DIRAS1: variants seen among roughly 807,000 people sequenced by gnomAD.
DIRAS1 encodes GTP-binding protein Di-Ras1.
A neutral mutation model predicts 11.5 loss-of-function variants in DIRAS1; 3 were observed. The observed-to-expected ratio is 0.26, with a 90% confidence interval of 0.12 to 0.67. The LOEUF (loss-of-function observed/expected upper bound fraction) is 0.67. Ranked by LOEUF, DIRAS1 falls within the 30% of genes least tolerant of loss-of-function variation. DIRAS1 has a pLI of 0.80. For synonymous variants in DIRAS1, 128 were observed against 125.8 expected (o/e 1.02, Z -0.12); for missense variants, 212 against 285.3 (o/e 0.74, Z 1.85).
At chr19:2,720,329 T>G (rs1279598081) in intron 1 of DIRAS1, among the ~76,000 whole-genome samples, 1 of 152,196 alleles carries the variant, frequency 6.6e-6, no homozygotes, top group African/African-American at 2.4e-5. Flanking sequence ...TGAGCAGTAC[T>G]GTCCTCCCCG....
In DIRAS1 at chr19:2,714,779, C is replaced by T. The variant is rs915965285; in HGVS notation, c.*2431G>A. 6.5e-6 allele frequency: 1 copy of T among 152,748 alleles called. No homozygotes were observed. The highest frequency in any genetic ancestry group is 1.5e-5 in the Non-Finnish European group (1 of 68,312). The allele number at this position is 152,748 out of a possible 1,614,324, so 9.5% of individuals were successfully genotyped here. A position where few individuals can be genotyped will look rare whatever the true frequency, so the allele number is the denominator to read the frequency against. ...CAGCCAGGACAGGCTCGGGTCCCCT[C>T]CTATTGCAGATGCCCTCTCTCCCCA... On this transcript the variant is annotated 3_prime_UTR_variant, in exon 2 of 2. Transcript: ENST00000323469.
Position 2,716,852 on chromosome 19 carries a change from A to C in DIRAS1, c.*358T>G. The C allele has an allele frequency of 3.8e-6, 1 of 261,606 alleles. No individual in the cohort carries two copies. The highest frequency in any genetic ancestry group is 7.3e-6 in the Non-Finnish European group (1 of 137,456). The allele number at this position is 261,606 out of a possible 1,614,324, so 16.2% of individuals were successfully genotyped here. ...AGGTCTGGCTGGGGACACCCCAGGG[A>C]AAGAGATGGAAACGGGGAAACGCAG... On this transcript the variant is annotated 3_prime_UTR_variant, in exon 2 of 2. Coordinates refer to ENST00000323469, the MANE Select transcript of DIRAS1 (RefSeq NM_145173.4).
rs1014570181 is a variant in DIRAS1 at position 2,718,510 on chromosome 19, T to A, written c.-69-635A>T. On this transcript the variant is annotated intron_variant, in intron 1 of 1. Transcript: ENST00000323469. This position sits in a 1 kb window ranked among gnomAD's most constrained non-coding sequence, Gnocchi z 4.2. ...GGCAACGGCCCTGGGAACTCGTATT[T>A]TATTTTATTCTTCTTATTTATTTAT... is the stretch of plus-strand genomic sequence containing the variant. 1.4e-4 allele frequency among the ~76,000 whole-genome samples: 21 copies of A among 152,292 alleles called. No individual in the cohort carries two copies. The highest frequency in any genetic ancestry group is 4.8e-4 in the African/African-American group (20 of 41,560).
intron 1 of DIRAS1, among the ~76,000 whole-genome samples, chr19:2,720,624 C>T (rs1359369786): frequency 6.6e-6 from 1 of 152,210 alleles, no homozygotes; most frequent in Non-Finnish European, 1.5e-5. Flanking sequence ...GCCCTGGGTC[C>T]CTGAAGCCCG....
chr19:2,717,117 G>A lies in DIRAS1; in HGVS notation c.*93C>T. Reference sequence around the variant, plus strand: ...CCAGCCGAGGTGTCGGAGGAAGGATGAGAGAAGAGGAGGAGGCCGAGGAGG... The same window carrying A: ...CCAGCCGAGGTGTCGGAGGAAGGATAAGAGAAGAGGAGGAGGCCGAGGAGG... On this transcript the variant is annotated 3_prime_UTR_variant, in exon 2 of 2. Coordinates refer to ENST00000323469, the MANE Select transcript of DIRAS1 (RefSeq NM_145173.4). 1 of 1,330,364 alleles carries A rather than the reference G, an allele frequency of 7.5e-7. No homozygotes were observed. Among genetic ancestry groups the A allele is most frequent in the South Asian group, 1.4e-5 (1 of 72,834 alleles). 82.4% of individuals were successfully genotyped at this position (1,330,364 alleles called of 1,614,324 possible). A position where few individuals can be genotyped will look rare whatever the true frequency, so the allele number is the denominator to read the frequency against.
rs113069103 is a variant in DIRAS1, at chr19:2,717,206, G to A, written c.*4C>T. On this transcript the variant is annotated 3_prime_UTR_variant, in exon 2 of 2. Coordinates refer to ENST00000323469, the MANE Select transcript of DIRAS1 (RefSeq NM_145173.4). ...TGGGCGGCGGGCAGGCGGGCGTTCC[G>A]GGCTCACATGAGGGTGCATTTGCCC... is the stretch of plus-strand genomic sequence containing the variant. 2,387 of 1,575,720 alleles carry A rather than the reference G, an allele frequency of 1.5e-3. 21 individuals are homozygous for A. In the African/African-American group the frequency reaches 0.024, roughly 16 times the overall value.
chr19:2,720,121 G>A (rs1345958092), intron 1 of DIRAS1, among the ~76,000 whole-genome samples: 1 of 152,154 alleles, frequency 6.6e-6, no homozygotes, highest in African/African-American at 2.4e-5. Flanking sequence ...ATTCGGAGGA[G>A]GCTGGGGGTG....
chr19:2,715,138 AGTAAACAC>A lies in DIRAS1; in HGVS notation c.*2064_*2071del, dbSNP rs1469354698. ...GAGTGTGTCCAATAAACATTTGTTGAGTAAACACTCACACGAACACAGAGGAAAACAAA... is the reference window on the plus strand; with the variant it reads ...GAGTGTGTCCAATAAACATTTGTTGATCACACGAACACAGAGGAAAACAAA... On this transcript the variant is annotated 3_prime_UTR_variant, in exon 2 of 2. Transcript: ENST00000323469. 2.6e-5 allele frequency: 4 copies of A among 152,264 alleles called. No homozygotes were observed. The highest frequency in any genetic ancestry group is 7.2e-5 in the African/African-American group (3 of 41,468). 9.4% of individuals were successfully genotyped at this position (152,264 alleles called of 1,614,324 possible). A position where few individuals can be genotyped will look rare whatever the true frequency, so the allele number is the denominator to read the frequency against.
chr19:2,717,121 G>A lies in DIRAS1; in HGVS notation c.*89C>T. Reference sequence around the variant, plus strand: ...CCGAGGTGTCGGAGGAAGGATGAGAGAAGAGGAGGAGGCCGAGGAGGGTGT... The same window carrying A: ...CCGAGGTGTCGGAGGAAGGATGAGAAAAGAGGAGGAGGCCGAGGAGGGTGT... On this transcript the variant is annotated 3_prime_UTR_variant, in exon 2 of 2. Transcript: ENST00000323469. 3 of 1,360,300 alleles carry A rather than the reference G, an allele frequency of 2.2e-6. No individual in the cohort carries two copies. The highest frequency in any genetic ancestry group is 9.9e-7 in the Non-Finnish European group (1 of 1,006,080). The allele number at this position is 1,360,300 out of a possible 1,614,324, so 84.3% of individuals were successfully genotyped here.
At position 2,720,048 on chromosome 19, in the gene DIRAS1, G is replaced by A. The variant is rs559921285; in HGVS notation, c.-70+1256C>T. Reference sequence around the variant, plus strand: ...GCCAGGCAAACTTCTGGGCGCCTCGGCAATGCCAACTCATGTGATTGGCTG... The same window carrying A: ...GCCAGGCAAACTTCTGGGCGCCTCGACAATGCCAACTCATGTGATTGGCTG... On this transcript the variant is annotated intron_variant, in intron 1 of 1. Coordinates refer to ENST00000323469, the MANE Select transcript of DIRAS1 (RefSeq NM_145173.4). 1.9e-4 allele frequency among the ~76,000 whole-genome samples: 29 copies of A among 152,236 alleles called. No homozygotes were observed. In the Middle Eastern group the frequency reaches 0.01, roughly 54 times the overall value.
rs561566718 is a variant in DIRAS1 at position 2,718,444 on chromosome 19, G to A, written c.-69-569C>T. On this transcript the variant is annotated intron_variant, in intron 1 of 1. Transcript: ENST00000323469. This position sits in a 1 kb window ranked among gnomAD's most constrained non-coding sequence, Gnocchi z 4.2. ...ATGGTCGGGTGTTTAAGATGCATAT[G>A]TCAGGGCCGCAGCCCTAGGTGTGAT... is the stretch of plus-strand genomic sequence containing the variant. 1.3e-5 allele frequency among the ~76,000 whole-genome samples: 2 copies of A among 152,382 alleles called. No homozygotes were observed. Among genetic ancestry groups the A allele is most frequent in the East Asian group, 3.9e-4 (2 of 5,186 alleles).
In DIRAS1 at chr19:2,718,835, T is replaced by C. The variant is rs1913889176; in HGVS notation, c.-69-960A>G. 6.6e-6 allele frequency among the ~76,000 whole-genome samples: 1 copy of C among 151,746 alleles called. No homozygotes were observed. Among genetic ancestry groups the C allele is most frequent in the African/African-American group, 2.4e-5 (1 of 41,288 alleles). On this transcript the variant is annotated intron_variant, in intron 1 of 1. Coordinates refer to ENST00000323469, the MANE Select transcript of DIRAS1 (RefSeq NM_145173.4). This position sits in a 1 kb window ranked among gnomAD's most constrained non-coding sequence, Gnocchi z 4.2. Reference sequence around the variant, plus strand: ...CCACTGCACCTGGCCTTCTTATTTTTTTTAAAACCAAGTCTTGCTCTGTTG... The same window carrying C: ...CCACTGCACCTGGCCTTCTTATTTTCTTTAAAACCAAGTCTTGCTCTGTTG...
At position 2,718,588 on chromosome 19, in the gene DIRAS1, C is replaced by A. The variant is rs1244493280; in HGVS notation, c.-69-713G>T. On this transcript the variant is annotated intron_variant, in intron 1 of 1. Coordinates refer to ENST00000323469, the MANE Select transcript of DIRAS1 (RefSeq NM_145173.4). The surrounding 1 kb of genome is among the most constrained non-coding windows in gnomAD (Gnocchi z 4.2). The stretch of plus-strand genomic sequence containing the variant: ...CTGCCCAGGCTGGAGTGCAATGGCA[C>A]AATCTTGGCTCGCCGCAACCTCCAC... Among the ~76,000 whole-genome samples, 2 of 152,184 alleles carry A rather than the reference C, an allele frequency of 1.3e-5. No individual in the cohort carries two copies. The highest frequency in any genetic ancestry group is 2.9e-5 in the Non-Finnish European group (2 of 68,036).
At chr19:2,721,229 AG>A (rs1915405107) in intron 1 of DIRAS1, 74 bp downstream of exon 1, 2 of 149,334 alleles carry the variant, frequency 1.3e-5, no homozygotes, top group African/African-American at 4.9e-5. Flanking sequence ...GCCGGGACAA[AG>A]GAGGGACGCG....
Position 2,716,199 on chromosome 19 carries a change from G to A in DIRAS1, c.*1011C>T, listed in dbSNP as rs986212342. Reference sequence around the variant, plus strand: ...GAACCTCATGGCTGCAGGTACACTCGACTCCAGGACGCCACCTTCCCGGGC... The same window carrying A: ...GAACCTCATGGCTGCAGGTACACTCAACTCCAGGACGCCACCTTCCCGGGC... On this transcript the variant is annotated 3_prime_UTR_variant, in exon 2 of 2. Coordinates refer to ENST00000323469, the MANE Select transcript of DIRAS1 (RefSeq NM_145173.4). The A allele has an allele frequency of 6.6e-6, 1 of 152,366 alleles. No individual in the cohort carries two copies. The highest frequency in any genetic ancestry group is 1.5e-5 in the Non-Finnish European group (1 of 68,144). 9.4% of individuals were successfully genotyped at this position (152,366 alleles called of 1,614,324 possible).
chr19:2,720,729 A>G (rs1913933053), intron 1 of DIRAS1, among the ~76,000 whole-genome samples: 1 of 152,210 alleles, frequency 6.6e-6, no homozygotes, highest in African/African-American at 2.4e-5. Flanking sequence ...CCAGGGGTCT[A>G]GCGGGGGTCA....
At position 2,717,107 on chromosome 19, in the gene DIRAS1, GAGGA is replaced by G. The variant is rs1345342919; in HGVS notation, c.*99_*102del. 1.2e-5 allele frequency: 15 copies of G among 1,287,632 alleles called. No individual in the cohort carries two copies. The highest frequency in any genetic ancestry group is 1.4e-5 in the South Asian group (1 of 70,978). 79.8% of individuals were successfully genotyped at this position (1,287,632 alleles called of 1,614,324 possible). ...CTCGGTTTCCCCAGCCGAGGTGTCG[GAGGA>G]AGGATGAGAGAAGAGGAGGAGGCCG... On this transcript the variant is annotated 3_prime_UTR_variant, in exon 2 of 2. Transcript: ENST00000323469.
Position 2,720,041 on chromosome 19 carries a change from C to T in DIRAS1, c.-70+1263G>A, listed in dbSNP as rs1452389509. Among the ~76,000 whole-genome samples the T allele has an allele frequency of 3.9e-5, 6 of 152,136 alleles. No homozygotes were observed. The East Asian group carries it at 9.6e-4, about 24-fold the overall frequency. ...GTGATGAGCCAGGCAAACTTCTGGGCGCCTCGGCAATGCCAACTCATGTGA... is the reference window on the plus strand; with the variant it reads ...GTGATGAGCCAGGCAAACTTCTGGGTGCCTCGGCAATGCCAACTCATGTGA... On this transcript the variant is annotated intron_variant, in intron 1 of 1. Transcript: ENST00000323469.
chr19:2,717,666 C>T lies in DIRAS1; in HGVS notation c.141G>A (p.Val47=). 1.2e-6 allele frequency: 2 copies of T among 1,612,914 alleles called. No individual in the cohort carries two copies. Among genetic ancestry groups the T allele is most frequent in the South Asian group, 1.1e-5 (1 of 91,088 alleles). ...TGCACACGCTCTTGTCGCAGCTGATCACCTGCCGGTAGGTGTCCTCGATGG... is the reference window on the plus strand; with the variant it reads ...TGCACACGCTCTTGTCGCAGCTGATTACCTGCCGGTAGGTGTCCTCGATGG... The part of the protein sequence containing the change: ...IPTIEDTYRQ[V]ISCDKSVCTL... The change falls in exon 2 of 2, where the codon GTG becomes GTA. Residue 47 remains valine (V), a synonymous_variant. Transcript: ENST00000323469.
Sources: gnomAD v4.1 joint callset for allele counts (sites outside exome capture counted in the v4.1 genomes callset) on GRCh38, gnomAD v4.1.1 for gene constraint, Gnocchi (gnomAD v3.1) non-coding constraint, MANE v1.5 for transcripts, NCBI Gene and HGNC (gene_info 2026-07-23, HGNC 2026-07-21) for gene names.